The following NCKAP5 variants were observed in gnomAD, a reference collection of about 807,000 sequenced individuals.
NCKAP5 encodes nck-associated protein 5.
In NCKAP5, 92 loss-of-function variants were observed where a neutral mutation model predicts 167.0. That is an observed-to-expected ratio of 0.55 (90% confidence interval 0.47 to 0.66). The LOEUF is 0.66. NCKAP5 is among the 30% of genes least tolerant of loss of function. NCKAP5 has a pLI of 0.00. For synonymous variants in NCKAP5, 891 were observed against 877.4 expected (o/e 1.02, Z -0.27); for missense variants, 2,378 against 2,315.0 (o/e 1.03, Z -0.56).
chr2:133,609,265 T>A, the NCKAP5 span, among the ~76,000 whole-genome samples: 1 of 152,158 alleles, frequency 6.6e-6, no homozygotes, highest in African/African-American at 2.4e-5. Flanking sequence ...AGAAAAAAAA[T>A]ATTATCTGTT....
chr2:132,923,290 T>C (rs1002309979), intron 8 of NCKAP5, among the ~76,000 whole-genome samples: 1 of 152,212 alleles, frequency 6.6e-6, no homozygotes, highest in African/African-American at 2.4e-5. Flanking sequence ...GATTAATTGA[T>C]CAGCTAAATG....
At chr2:133,270,817 A>G (rs546409053) in intron 4 of NCKAP5, among the ~76,000 whole-genome samples, 4 of 152,176 alleles carry the variant, frequency 2.6e-5, no homozygotes, top group African/African-American at 7.2e-5. Context: ...CAAGTAACCA[A>G]TGGGAAAACT....
At chr2:133,382,889 A>G (rs965470334) in intron 3 of NCKAP5, among the ~76,000 whole-genome samples, 1 of 152,146 alleles carries the variant, frequency 6.6e-6, no homozygotes, top group Non-Finnish European at 1.5e-5. Context: ...TTTTGTCCTC[A>G]GTGTCTTACC....
chr2:133,477,863 T>C (rs1361720733), intron 3 of NCKAP5, among the ~76,000 whole-genome samples: 1 of 152,076 alleles, frequency 6.6e-6, no homozygotes, highest in Middle Eastern at 3.2e-3. Context: ...CAGCATGAGA[T>C]TTTTTCAGGC....
intron 5 of NCKAP5, among the ~76,000 whole-genome samples, chr2:133,155,350 G>A (rs1486324591): frequency 1.3e-5 from 2 of 152,122 alleles, no homozygotes; most frequent in African/African-American, 4.8e-5. Flanking sequence ...CCCACTCCTG[G>A]CATTTCTGAT....
intron 3 of NCKAP5, among the ~76,000 whole-genome samples, chr2:133,403,947 C>G (rs1416804920): frequency 6.6e-6 from 1 of 151,404 alleles, no homozygotes; most frequent in African/African-American, 2.4e-5. Context: ...TACCTGAGCC[C>G]CTTGACTGCC....
the NCKAP5 span, among the ~76,000 whole-genome samples, chr2:133,619,385 T>C: frequency 1.3e-5 from 2 of 151,670 alleles, no homozygotes; most frequent in Admixed American, 6.6e-5. Context: ...ACAGAAAGCA[T>C]AAATAAAAAA....
chr2:133,638,857 C>CAAAAAAAAAA, the NCKAP5 span, among the ~76,000 whole-genome samples: 9 of 84,058 alleles, frequency 1.1e-4, no homozygotes, highest in Non-Finnish European at 1.4e-4. Context: ...GACTCTATCT[C>CAAAAAAAAAA]AAAAAAAAAA....
chr2:132,688,002 G>A (rs1296433843), intron 19 of NCKAP5, among the ~76,000 whole-genome samples: 1 of 152,144 alleles, frequency 6.6e-6, no homozygotes, highest in Non-Finnish European at 1.5e-5. Context: ...GGCAATCAGG[G>A]TTTTGCTCCT....
At chr2:133,263,964 T>G (rs1043336883) in intron 4 of NCKAP5, among the ~76,000 whole-genome samples, 1 of 152,220 alleles carries the variant, frequency 6.6e-6, no homozygotes, top group Non-Finnish European at 1.5e-5. Flanking sequence ...TTTTGCTTAA[T>G]TTGCTAGTCT....
At chr2:132,973,832 A>C (rs1357923582) in intron 7 of NCKAP5, among the ~76,000 whole-genome samples, 1 of 152,192 alleles carries the variant, frequency 6.6e-6, no homozygotes, top group South Asian at 2.1e-4. Context: ...AAGGCCAGTG[A>C]GAGTTTAGTG....
chr2:132,955,297 G>A (rs1451638966), intron 8 of NCKAP5, among the ~76,000 whole-genome samples: 2 of 152,194 alleles, frequency 1.3e-5, no homozygotes, highest in African/African-American at 2.4e-5. Context: ...TGAAGCCACT[G>A]AAGAGCACTT....
At chr2:132,933,214 C>T (rs1431571714) in intron 8 of NCKAP5, among the ~76,000 whole-genome samples, 2 of 152,260 alleles carry the variant, frequency 1.3e-5, no homozygotes, top group East Asian at 1.9e-4. Context: ...CTACTTCTAA[C>T]TCTCAACCAC....
chr2:132,843,211 C>A (rs1688420780), intron 11 of NCKAP5, among the ~76,000 whole-genome samples: 1 of 152,080 alleles, frequency 6.6e-6, no homozygotes, highest in Non-Finnish European at 1.5e-5. Flanking sequence ...GCTATTATAT[C>A]AAGATTAGTG....
intron 5 of NCKAP5, among the ~76,000 whole-genome samples, chr2:133,169,128 CATAAAGT>C (rs2084130179): frequency 6.6e-6 from 1 of 152,148 alleles, no homozygotes; most frequent in Non-Finnish European, 1.5e-5. Flanking sequence ...AAATAAACAT[CATAAAGT>C]GGGAAAAAGA....
intron 3 of NCKAP5, among the ~76,000 whole-genome samples, chr2:133,304,645 T>G (rs945299266): frequency 6.6e-6 from 1 of 152,230 alleles, no homozygotes; most frequent in Middle Eastern, 3.2e-3. Context: ...CAAGAAAAAC[T>G]AAATACGTTG....
At chr2:133,233,510 TA>T (rs1214625570) in intron 4 of NCKAP5, among the ~76,000 whole-genome samples, 1 of 152,182 alleles carries the variant, frequency 6.6e-6, no homozygotes, top group Non-Finnish European at 1.5e-5. Context: ...CATCCATATA[TA>T]AACATCTATA....
chr2:133,432,302 TA>T (rs1222143016), intron 3 of NCKAP5, among the ~76,000 whole-genome samples: 1 of 152,288 alleles, frequency 6.6e-6, no homozygotes, highest in East Asian at 1.9e-4. Context: ...CACACAGAAT[TA>T]AAAAACAAAT....
At position 133,536,996 on chromosome 2, in the gene NCKAP5, G is replaced by A. The variant is rs190886694; in HGVS notation, c.-61-19409C>T. ...TTTGGTAGGTTTGAGATAGGAATCC[G>A]AATTTCCTCTTTTATACATGAATCT... On this transcript the variant is annotated intron_variant, in intron 2 of 19. Coordinates refer to ENST00000409261, the MANE Select transcript of NCKAP5 (RefSeq NM_207363.3). Among the ~76,000 whole-genome samples, 346 of 151,984 alleles carry A rather than the reference G, an allele frequency of 2.3e-3. 1 individual carries two copies. Among genetic ancestry groups the A allele is most frequent in the Admixed American group, 7.5e-3 (114 of 15,274 alleles).
Sources: gnomAD v4.1 joint callset for allele counts (sites outside exome capture counted in the v4.1 genomes callset) on GRCh38, gnomAD v4.1.1 for gene constraint, MANE v1.5 for transcripts, NCBI Gene and HGNC (gene_info 2026-07-23, HGNC 2026-07-21) for gene names.